Variants in ENOX1 observed in about 807,000 individuals in gnomAD.
ENOX1 encodes the protein candidate growth-related and time keeping constitutive hydroquinone (NADH) oxidase.
Under a neutral mutation model 82.5 loss-of-function variants are expected in ENOX1, and 42 were observed. That is an observed-to-expected ratio of 0.51 (90% CI 0.40 to 0.66). ENOX1 has a LOEUF of 0.66. ENOX1 is among the 30% of genes least tolerant of loss of function. The probability of loss-of-function intolerance (pLI) is 0.00; values close to 1 mark genes in which losing one functional copy is unlikely to be tolerated. For missense variants in ENOX1, 608 were observed against 811.6 expected, an observed-to-expected ratio of 0.75 and a Z score of 3.05; for synonymous variants, 271 against 282.2, an observed-to-expected ratio of 0.96 and a Z score of 0.40.
At chr13:43,372,843 G>A (rs932041531) in intron 5 of ENOX1, among the ~76,000 whole-genome samples, 1 of 152,042 alleles carries the variant, frequency 6.6e-6, no homozygotes, top group Non-Finnish European at 1.5e-5. Flanking sequence ...AAGAAAGGAA[G>A]TAAGTCAGAG....
intron 2 of ENOX1, among the ~76,000 whole-genome samples, chr13:43,661,596 C>G (rs898793995): frequency 6.6e-6 from 1 of 152,138 alleles, no homozygotes; most frequent in African/African-American, 2.4e-5. Flanking sequence ...AGTCTGGTCA[C>G]AGAAAACAGT....
chr13:43,317,495 T>C (rs1052740235), intron 11 of ENOX1, among the ~76,000 whole-genome samples: 2 of 152,106 alleles, frequency 1.3e-5, no homozygotes, highest in African/African-American at 4.8e-5. Context: ...TAGGTTGTCC[T>C]GCTATTCAAA....
intron 14 of ENOX1, among the ~76,000 whole-genome samples, chr13:43,239,987 A>T (rs2042736632): frequency 6.6e-6 from 1 of 152,206 alleles, no homozygotes; most frequent in Admixed American, 6.5e-5. Context: ...GGGGTAGTCT[A>T]CAAAGTAGAT....
chr13:43,500,747 A>G, intron 2 of ENOX1, among the ~76,000 whole-genome samples: 1 of 152,100 alleles, frequency 6.6e-6, no homozygotes, highest in South Asian at 2.1e-4. Flanking sequence ...AAGTAAAAAG[A>G]TTAGTTTTAA....
At chr13:43,747,198 TAACA>T (rs754502309) in intron 1 of ENOX1, among the ~76,000 whole-genome samples, 2 of 152,142 alleles carry the variant, frequency 1.3e-5, no homozygotes, top group Non-Finnish European at 2.9e-5. Flanking sequence ...GAGATTCAAG[TAACA>T]AACAACTGAG....
At chr13:43,356,206 T>C (rs1330876976) in intron 7 of ENOX1, 54 bp from the exon 8 acceptor site, 5 of 1,546,330 alleles carry the variant, frequency 3.2e-6, no homozygotes, top group Non-Finnish European at 4.4e-6. Context: ...GCCACAGTTT[T>C]GGTCCAGACC....
chr13:43,406,262 C>A (rs184292858), intron 5 of ENOX1, among the ~76,000 whole-genome samples: 3 of 152,246 alleles, frequency 2.0e-5, no homozygotes, highest in East Asian at 1.9e-4. Context: ...GGACTTGCAA[C>A]CTATCTTGGC....
In ENOX1 at chr13:43,395,472, C is replaced by T. The variant is rs189977271; in HGVS notation, c.208+16444G>A. ...CCTGGGAGGTCAAGACTGCAGTGAG[C>T]CGAGATTGCACCACTGCACTCCAGC... On this transcript the variant is annotated intron_variant, in intron 5 of 16. Transcript: ENST00000690772. Among the ~76,000 whole-genome samples the T allele has an allele frequency of 1.4e-4, 22 of 152,254 alleles. No homozygotes were observed. In the East Asian group the frequency reaches 4.1e-3, roughly 28 times the overall value.
chr13:43,349,880 C>T (rs776776045), intron 8 of ENOX1, among the ~76,000 whole-genome samples: 11 of 81,494 alleles, frequency 1.3e-4, no homozygotes, highest in South Asian at 4.6e-4. Flanking sequence ...CCTGTCCCCA[C>T]GACCAATTAA....
At chr13:43,532,122 A>T (rs1162527497) in intron 2 of ENOX1, among the ~76,000 whole-genome samples, 3 of 152,156 alleles carry the variant, frequency 2.0e-5, no homozygotes, top group African/African-American at 7.2e-5. Context: ...AATTTTTAAC[A>T]TGTTAAAGAC....
chr13:43,592,506 TGTCA>T (rs756477737), intron 2 of ENOX1, among the ~76,000 whole-genome samples: 2 of 152,210 alleles, frequency 1.3e-5, no homozygotes, highest in Non-Finnish European at 2.9e-5. Context: ...GATTTATTCT[TGTCA>T]GTAATAGAAT....
At chr13:43,580,880 T>A (rs761246394) in intron 2 of ENOX1, among the ~76,000 whole-genome samples, 11 of 152,202 alleles carry the variant, frequency 7.2e-5, no homozygotes, top group Admixed American at 1.3e-4. Flanking sequence ...CATATGTTAT[T>A]TAGTAAGTCA....
chr13:43,459,405 T>C (rs2153636530), intron 3 of ENOX1: 1 of 152,360 alleles, frequency 6.6e-6, no homozygotes, highest in South Asian at 2.1e-4. Context: ...TATACCATGA[T>C]ACCAGCATAA....
chr13:43,362,348 A>C (rs1047818087), intron 5 of ENOX1, among the ~76,000 whole-genome samples: 1 of 152,112 alleles, frequency 6.6e-6, no homozygotes, highest in African/African-American at 2.4e-5. Context: ...AGTAGCCACA[A>C]GGGGATCCCG....
chr13:43,748,431 CT>C (rs1950139750), intron 1 of ENOX1, among the ~76,000 whole-genome samples: 1 of 152,180 alleles, frequency 6.6e-6, no homozygotes, highest in African/African-American at 2.4e-5. Flanking sequence ...TTTACATTGA[CT>C]AAAAAGTTCT....
rs145526171 is a variant in ENOX1 at position 43,227,820 on chromosome 13, G to A, written c.1715-3682C>T. On this transcript the variant is annotated intron_variant, in intron 15 of 16. Coordinates refer to ENST00000690772, the MANE Select transcript of ENOX1 (RefSeq NM_001347969.2). ...ACTAGATATATGTAGGGCCAAGGCA[G>A]GCAGTCACAAATAGGCTTCCCAAGC... Among the ~76,000 whole-genome samples the A allele has an allele frequency of 2.0e-5, 3 of 152,250 alleles. No homozygotes were observed. The East Asian group carries it at 5.8e-4, about 29-fold the overall frequency.
intron 3 of ENOX1, among the ~76,000 whole-genome samples, chr13:43,429,468 A>G (rs2055531065): frequency 6.6e-6 from 1 of 152,182 alleles, no homozygotes; most frequent in Admixed American, 6.5e-5. Context: ...GTTGATACAC[A>G]TGACAGCAGA....
intron 2 of ENOX1, among the ~76,000 whole-genome samples, chr13:43,529,524 G>T (rs1031403633): frequency 6.6e-6 from 1 of 151,990 alleles, no homozygotes; most frequent in Non-Finnish European, 1.5e-5. Context: ...TATAAAGAAG[G>T]AAAAAGAAAT....
At chr13:43,401,090 G>A (rs1316924295) in intron 5 of ENOX1, among the ~76,000 whole-genome samples, 1 of 152,092 alleles carries the variant, frequency 6.6e-6, no homozygotes, top group African/African-American at 2.4e-5. Flanking sequence ...AGAGTATTTG[G>A]CACATATTAG....
Sources: allele counts gnomAD v4.1 joint callset (sites outside exome capture counted in the v4.1 genomes callset), GRCh38; gene constraint gnomAD v4.1.1; transcripts MANE v1.5; gene names NCBI Gene and HGNC (gene_info 2026-07-23, HGNC 2026-07-21).